Variants in STK32B observed in about 807,000 individuals in gnomAD.
The protein encoded by STK32B is serine/threonine kinase 32B.
STK32B carries 43 observed loss-of-function variants against 52.6 expected under a neutral mutation model. That is an observed-to-expected ratio of 0.82 (90% CI 0.64 to 1.05). STK32B has a LOEUF of 1.05. Ranked by LOEUF, STK32B falls within the 50% of genes least tolerant of loss-of-function variation. The probability of loss-of-function intolerance (pLI) is 0.00; values close to 1 mark genes in which losing one functional copy is unlikely to be tolerated. For synonymous variants in STK32B, 238 were observed against 204.3 expected (o/e 1.17, Z -1.41); for missense variants, 621 against 534.6 (o/e 1.16, Z -1.59).
chr4:5,029,546 TAAGC>T, the STK32B span, among the ~76,000 whole-genome samples: 1 of 152,240 alleles, frequency 6.6e-6, no homozygotes, highest in South Asian at 2.1e-4. Context: ...CCTAGGGCTG[TAAGC>T]AATGGGGCTC....
At chr4:5,147,465 G>A (rs1439358820) in intron 2 of STK32B, among the ~76,000 whole-genome samples, 1 of 152,018 alleles carries the variant, frequency 6.6e-6, no homozygotes, top group African/African-American at 2.4e-5. Flanking sequence ...ACAATATTGA[G>A]GAGAAGTGGT....
At chr4:5,190,649 A>G (rs1721115401) in intron 3 of STK32B, among the ~76,000 whole-genome samples, 1 of 152,192 alleles carries the variant, frequency 6.6e-6, no homozygotes, top group South Asian at 2.1e-4. Flanking sequence ...GCAAAACTCA[A>G]ATCATTATAA....
intron 1 of STK32B, among the ~76,000 whole-genome samples, chr4:5,101,631 T>C (rs1192470314): frequency 1.3e-5 from 2 of 152,200 alleles, no homozygotes; most frequent in Non-Finnish European, 1.5e-5. Flanking sequence ...CTATAATGAC[T>C]TAGGCTTCTG....
intron 4 of STK32B, among the ~76,000 whole-genome samples, chr4:5,344,700 T>G (rs1457046332): frequency 6.6e-6 from 1 of 152,132 alleles, no homozygotes; most frequent in African/African-American, 2.4e-5. Flanking sequence ...GAATTTTTTT[T>G]TTTTGTCTTT....
At chr4:5,432,531 G>A (rs1713680681) in intron 6 of STK32B, among the ~76,000 whole-genome samples, 1 of 152,130 alleles carries the variant, frequency 6.6e-6, no homozygotes, top group African/African-American at 2.4e-5. Context: ...AATGTGGTCT[G>A]AGTCTTGAAG....
chr4:5,201,660 C>T (rs1722157460), intron 3 of STK32B, among the ~76,000 whole-genome samples: 2 of 152,138 alleles, frequency 1.3e-5, no homozygotes, highest in African/African-American at 2.4e-5. Context: ...TTACACATGG[C>T]TGGGGAGGCA....
At chr4:5,198,818 G>A (rs1026349433) in intron 3 of STK32B, among the ~76,000 whole-genome samples, 1 of 152,164 alleles carries the variant, frequency 6.6e-6, no homozygotes, top group African/African-American at 2.4e-5. Flanking sequence ...CATTTCGGTG[G>A]CACTGGTTGT....
At chr4:5,043,598 G>A in the STK32B span, among the ~76,000 whole-genome samples, 2 of 152,184 alleles carry the variant, frequency 1.3e-5, no homozygotes, top group South Asian at 4.1e-4. Flanking sequence ...TCCAGGCCAG[G>A]AGGGCCGTTT....
chr4:5,329,004 T>C (rs993177380), intron 3 of STK32B, among the ~76,000 whole-genome samples: 1 of 152,108 alleles, frequency 6.6e-6, no homozygotes, highest in Non-Finnish European at 1.5e-5. Context: ...TAATTAATAA[T>C]ACCAACAATA....
chr4:5,463,703 G>C (rs1258790629), intron 9 of STK32B, among the ~76,000 whole-genome samples: 1 of 152,152 alleles, frequency 6.6e-6, no homozygotes. Context: ...AGGGCAGTGA[G>C]CCTCAGCCCC....
chr4:5,142,191 C>G (rs1378051274), intron 2 of STK32B, among the ~76,000 whole-genome samples: 3 of 152,164 alleles, frequency 2.0e-5, no homozygotes, highest in Admixed American at 6.5e-5. Context: ...GAAGTGATCC[C>G]TACTGACCAG....
chr4:5,355,595 T>C (rs1180416523), intron 4 of STK32B, among the ~76,000 whole-genome samples: 1 of 152,188 alleles, frequency 6.6e-6, no homozygotes, highest in Non-Finnish European at 1.5e-5. Context: ...TCCCTTGTTA[T>C]GGGGGCTGTC....
At chr4:5,407,506 A>G (rs1560387434) in intron 5 of STK32B, among the ~76,000 whole-genome samples, 1 of 152,124 alleles carries the variant, frequency 6.6e-6, no homozygotes, top group Non-Finnish European at 1.5e-5. Context: ...ACCTGAGACT[A>G]GGTAATTTAT....
chr4:5,357,858 T>A (rs1440587103), intron 4 of STK32B, among the ~76,000 whole-genome samples: 2 of 152,056 alleles, frequency 1.3e-5, no homozygotes, highest in African/African-American at 4.8e-5. Context: ...GTACCAAAAA[T>A]AAATTGCCAA....
At chr4:5,480,438 T>G (rs544865389) in intron 11 of STK32B, among the ~76,000 whole-genome samples, 71 of 152,314 alleles carry the variant, frequency 4.7e-4, no homozygotes, top group African/African-American at 1.7e-3. Context: ...GCAGGACAAC[T>G]CAAAGCAGGG....
chr4:5,286,024 T>C (rs1180440879), intron 3 of STK32B, among the ~76,000 whole-genome samples: 4 of 150,778 alleles, frequency 2.7e-5, no homozygotes, highest in Non-Finnish European at 5.9e-5. Context: ...AGAGGGAGGA[T>C]CATTATGTGG....
intron 3 of STK32B, among the ~76,000 whole-genome samples, chr4:5,217,332 G>C (rs928110130): frequency 2.4e-4 from 36 of 152,194 alleles, no homozygotes; most frequent in African/African-American, 7.7e-4. Flanking sequence ...CTTGCCAGGA[G>C]GTCATTCTGC....
intron 3 of STK32B, among the ~76,000 whole-genome samples, chr4:5,319,137 G>T (rs778629687): frequency 7.2e-5 from 11 of 152,126 alleles, no homozygotes; most frequent in East Asian, 1.9e-4. Flanking sequence ...CACTCATTAT[G>T]TGTCAGTCAC....
At chr4:5,358,585 C>T (rs995336530) in intron 4 of STK32B, among the ~76,000 whole-genome samples, 1 of 152,128 alleles carries the variant, frequency 6.6e-6, no homozygotes, top group African/African-American at 2.4e-5. Flanking sequence ...AAAAAAAAAC[C>T]CTCTACCCTT....
Sources: allele counts gnomAD v4.1 joint callset (sites outside exome capture counted in the v4.1 genomes callset), GRCh38; gene constraint gnomAD v4.1.1; transcripts MANE v1.5; gene names NCBI Gene and HGNC (gene_info 2026-07-23, HGNC 2026-07-21).